Variants in ARHGAP15 observed in about 807,000 individuals in gnomAD.
ARHGAP15 encodes the protein rho GTPase-activating protein 15.
A neutral mutation model predicts 63.7 loss-of-function variants in ARHGAP15; 51 were observed. The observed-to-expected ratio is 0.80, with a 90% confidence interval of 0.64 to 1.01. The LOEUF is 1.01. Ranked by LOEUF, ARHGAP15 falls within the 50% of genes least tolerant of loss-of-function variation. ARHGAP15 has a pLI of 0.00. For missense variants in ARHGAP15, 560 were observed against 564.6 expected, an observed-to-expected ratio of 0.99 and a Z score of 0.08; for synonymous variants, 191 against 193.8, an observed-to-expected ratio of 0.99 and a Z score of 0.12.
intron 13 of ARHGAP15, among the ~76,000 whole-genome samples, chr2:143,711,416 T>A (rs1428421779): frequency 1.3e-5 from 2 of 152,188 alleles, no homozygotes; most frequent in Non-Finnish European, 2.9e-5. Flanking sequence ...TCTTTAAGGA[T>A]GTTGGCTTGG....
At chr2:143,535,197 G>A (rs1694698939) in intron 10 of ARHGAP15, among the ~76,000 whole-genome samples, 1 of 152,032 alleles carries the variant, frequency 6.6e-6, no homozygotes, top group African/African-American at 2.4e-5. Flanking sequence ...AGAAACTTTG[G>A]ATAATAGCAA....
intron 6 of ARHGAP15, among the ~76,000 whole-genome samples, chr2:143,335,412 G>A (rs932953325): frequency 2.0e-5 from 3 of 152,094 alleles, no homozygotes; most frequent in African/African-American, 4.8e-5. Context: ...CTGAGTCAGA[G>A]CGGCTGATTA....
At chr2:143,244,159 C>T (rs1693962368) in intron 5 of ARHGAP15, among the ~76,000 whole-genome samples, 1 of 152,106 alleles carries the variant, frequency 6.6e-6, no homozygotes, top group East Asian at 1.9e-4. Context: ...TATCCAGTTC[C>T]TCAATTATTT....
chr2:143,368,751 C>T (rs913385016), intron 6 of ARHGAP15, among the ~76,000 whole-genome samples: 1 of 152,038 alleles, frequency 6.6e-6, no homozygotes, highest in Non-Finnish European at 1.5e-5. Flanking sequence ...AAGTGAGAAG[C>T]AAGTGGAAAG....
rs193064367 is a variant in ARHGAP15, at chr2:143,478,732, G to A, written c.704-8641G>A. On this transcript the variant is annotated intron_variant, in intron 8 of 13. Coordinates refer to ENST00000295095, the MANE Select transcript of ARHGAP15 (RefSeq NM_018460.4). ...TATAAATATGACATTAGAATAATCC[G>A]ATTGTCTAGCAAAAGTGGAAATTAA... is the stretch of plus-strand genomic sequence containing the variant. Among the ~76,000 whole-genome samples, 543 of 152,214 alleles carry A rather than the reference G, an allele frequency of 3.6e-3. 4 individuals carry two copies. The highest frequency in any genetic ancestry group is 0.012 in the African/African-American group (489 of 41,526).
At chr2:143,450,003 T>C (rs1207569951) in intron 8 of ARHGAP15, among the ~76,000 whole-genome samples, 1 of 151,928 alleles carries the variant, frequency 6.6e-6, no homozygotes, top group Non-Finnish European at 1.5e-5. Context: ...ACTTCACTTA[T>C]TTACCTTTCT....
intron 6 of ARHGAP15, among the ~76,000 whole-genome samples, chr2:143,358,547 A>G (rs1685902671): frequency 6.6e-6 from 1 of 151,616 alleles, no homozygotes; most frequent in Admixed American, 6.6e-5. Context: ...AAAAAAGAGG[A>G]AGCATTTATT....
chr2:143,664,233 C>G (rs939248447), intron 12 of ARHGAP15, among the ~76,000 whole-genome samples: 7 of 152,156 alleles, frequency 4.6e-5, no homozygotes, highest in African/African-American at 1.7e-4. Context: ...GACCACAGTG[C>G]AATCAAACTA....
intron 6 of ARHGAP15, among the ~76,000 whole-genome samples, chr2:143,420,650 A>T (rs1688878824): frequency 6.6e-6 from 1 of 152,180 alleles, no homozygotes; most frequent in Non-Finnish European, 1.5e-5. Flanking sequence ...GAATCTTGCC[A>T]TCCTGGGCCC....
intron 12 of ARHGAP15, among the ~76,000 whole-genome samples, chr2:143,671,404 G>T (rs1012587715): frequency 5.3e-5 from 8 of 152,056 alleles, no homozygotes; most frequent in African/African-American, 1.4e-4. Flanking sequence ...TAGCTAAAGT[G>T]CATCATTCTT....
chr2:143,668,276 T>G (rs889190660), intron 12 of ARHGAP15, among the ~76,000 whole-genome samples: 1 of 140,630 alleles, frequency 7.1e-6, no homozygotes, highest in African/African-American at 2.5e-5. Flanking sequence ...CTTGATTCTA[T>G]TTTCTTTTTT....
At chr2:143,649,568 T>C (rs1681059851) in intron 12 of ARHGAP15, among the ~76,000 whole-genome samples, 1 of 151,976 alleles carries the variant, frequency 6.6e-6, no homozygotes, top group Admixed American at 6.6e-5. Flanking sequence ...CATTTGTAGT[T>C]ATGCATGTGT....
At chr2:143,387,371 A>G (rs190893831) in intron 6 of ARHGAP15, among the ~76,000 whole-genome samples, 1 of 152,302 alleles carries the variant, frequency 6.6e-6, no homozygotes, top group Admixed American at 6.5e-5. Context: ...CCAACTCAGG[A>G]ATCTCCTTCA....
chr2:143,159,569 A>G (rs1203439250), intron 2 of ARHGAP15, among the ~76,000 whole-genome samples: 1 of 151,946 alleles, frequency 6.6e-6, no homozygotes, highest in Non-Finnish European at 1.5e-5. Context: ...AATTGCCCGT[A>G]TTGGTTTTGT....
At chr2:143,667,935 CTA>C (rs1682311146) in intron 12 of ARHGAP15, among the ~76,000 whole-genome samples, 1 of 152,046 alleles carries the variant, frequency 6.6e-6, no homozygotes, top group Non-Finnish European at 1.5e-5. Context: ...CTGCAGCGAG[CTA>C]TGTTTGCACC....
chr2:143,287,978 G>A (rs919887465), intron 6 of ARHGAP15, among the ~76,000 whole-genome samples: 2 of 152,178 alleles, frequency 1.3e-5, no homozygotes, highest in African/African-American at 2.4e-5. Flanking sequence ...AGGTTGTATC[G>A]GAGTCATACT....
intron 3 of ARHGAP15, among the ~76,000 whole-genome samples, chr2:143,205,255 T>TAAAAAAAAAAAA (rs71301732): frequency 1.2e-5 from 1 of 85,460 alleles, no homozygotes. Context: ...CAGAGAGAGA[T>TAAAAAAAAAAAA]AAAAAAAAAA....
chr2:143,564,854 T>C (rs1415905369), intron 11 of ARHGAP15, among the ~76,000 whole-genome samples: 1 of 152,148 alleles, frequency 6.6e-6, no homozygotes, highest in Non-Finnish European at 1.5e-5. Context: ...AGTTCTGAAA[T>C]AAATGAAAAT....
intron 13 of ARHGAP15, among the ~76,000 whole-genome samples, chr2:143,758,578 G>A (rs1574934334): frequency 6.6e-6 from 1 of 152,106 alleles, no homozygotes; most frequent in African/African-American, 2.4e-5. Flanking sequence ...CTGCTTGTTT[G>A]CTTTATTAAC....
Sources: gnomAD v4.1 joint callset for allele counts (sites outside exome capture counted in the v4.1 genomes callset) on GRCh38, gnomAD v4.1.1 for gene constraint, MANE v1.5 for transcripts, NCBI Gene and HGNC (gene_info 2026-07-23, HGNC 2026-07-21) for gene names.